The following SCFD1 variants were observed in gnomAD, a reference collection of about 807,000 sequenced individuals.
The protein encoded by SCFD1 is sec1 family domain-containing protein 1.
A neutral mutation model predicts 103.2 loss-of-function variants in SCFD1; 37 were observed. That is an observed-to-expected ratio of 0.36 (90% confidence interval 0.28 to 0.47). The LOEUF (loss-of-function observed/expected upper bound fraction) is 0.47, where lower values mean the gene tolerates loss of function less well. Ranked by LOEUF, SCFD1 falls within the 20% of genes least tolerant of loss-of-function variation. SCFD1 has a pLI of 1.00. For missense variants in SCFD1, 639 were observed against 761.2 expected, an observed-to-expected ratio of 0.84 and a Z score of 1.89; for synonymous variants, 264 against 245.0, an observed-to-expected ratio of 1.08 and a Z score of -0.73.
At chr14:30,651,551 C>T (rs1886390414) in intron 9 of SCFD1, among the ~76,000 whole-genome samples, 1 of 147,418 alleles carries the variant, frequency 6.8e-6, no homozygotes, top group African/African-American at 2.6e-5. Context: ...AGAAAAACAT[C>T]AAATTCTCAC....
intron 19 of SCFD1, among the ~76,000 whole-genome samples, chr14:30,713,977 C>G (rs577567861): frequency 6.6e-6 from 1 of 152,196 alleles, no homozygotes; most frequent in African/African-American, 2.4e-5. Flanking sequence ...AATCTGCACC[C>G]AGTTACTCTT....
chr14:30,628,148 T>G, intron 1 of SCFD1, 61 bp from the exon 2 acceptor site: 1 of 1,258,846 alleles, frequency 7.9e-7, no homozygotes, highest in Non-Finnish European at 1.1e-6. Flanking sequence ...TGAATGATGA[T>G]GGAGGAAAAA....
At chr14:30,703,941 AT>A (rs1566645865) in intron 17 of SCFD1, among the ~76,000 whole-genome samples, 14 of 59,894 alleles carry the variant, frequency 2.3e-4, no homozygotes, top group South Asian at 2.1e-3. Flanking sequence ...ATATATATAT[AT>A]ATATATATAT....
chr14:30,654,490 G>A (rs189959783), intron 10 of SCFD1, among the ~76,000 whole-genome samples: 352 of 152,190 alleles, frequency 2.3e-3, no homozygotes, highest in South Asian at 0.014. Context: ...CCTGGCCAAC[G>A]TGGCGAAATC....
chr14:30,622,567 G>A, intron 1 of SCFD1, 168 bp downstream of exon 1: 1 of 1,223,034 alleles, frequency 8.2e-7, no homozygotes, highest in South Asian at 1.8e-5. Context: ...ATTAGCTTGA[G>A]GACTCGGTTC....
intron 4 of SCFD1, 29 bp from the exon 5 acceptor site, chr14:30,638,096 T>C (rs1276312751): frequency 6.4e-7 from 1 of 1,555,638 alleles, no homozygotes; most frequent in East Asian, 2.3e-5. Context: ...CTTTATCCTA[T>C]AAGAATAAAG....
chr14:30,719,478 A>G (rs1472548406), intron 21 of SCFD1, 101 bp downstream of exon 21: 2 of 772,212 alleles, frequency 2.6e-6, no homozygotes, highest in Non-Finnish European at 4.3e-6. Context: ...TCCAAACTAT[A>G]TGGAAAACTC....
At chr14:30,622,285 C>T (rs1004914233), upstream of SCFD1, 17 of 1,590,136 alleles carry the variant, frequency 1.1e-5, no homozygotes, top group Non-Finnish European at 1.5e-5. Flanking sequence ...TAAGGGCAGC[C>T]ACGTCATCCC....
At chr14:30,660,631 T>A (rs940141547) in intron 10 of SCFD1, among the ~76,000 whole-genome samples, 2 of 152,144 alleles carry the variant, frequency 1.3e-5, no homozygotes, top group Non-Finnish European at 2.9e-5. Context: ...TTTTTTTTTT[T>A]ATCACCTACT....
At chr14:30,672,907 T>C (rs973851370) in intron 11 of SCFD1, among the ~76,000 whole-genome samples, 8 of 152,222 alleles carry the variant, frequency 5.3e-5, no homozygotes, top group Non-Finnish European at 1.2e-4. Context: ...TGATATTTGA[T>C]ATAACATGAC....
At chr14:30,678,545 T>C (rs773986190) in intron 14 of SCFD1, among the ~76,000 whole-genome samples, 1 of 152,200 alleles carries the variant, frequency 6.6e-6, no homozygotes, top group Non-Finnish European at 1.5e-5. Context: ...ACTTGCTGGT[T>C]GTTAGAGAAT....
chr14:30,731,519 T>G (rs899197955), intron 23 of SCFD1, among the ~76,000 whole-genome samples: 3 of 152,216 alleles, frequency 2.0e-5, no homozygotes, highest in African/African-American at 4.8e-5. Flanking sequence ...GTGTCCTCTT[T>G]TACTTCGTTG....
chr14:30,654,334 A>G (rs892195261), intron 10 of SCFD1, among the ~76,000 whole-genome samples: 3 of 152,252 alleles, frequency 2.0e-5, no homozygotes, highest in Admixed American at 1.3e-4. Context: ...GGATTACACT[A>G]TATAATCATA....
At chr14:30,656,336 G>A (rs954536136) in intron 10 of SCFD1, among the ~76,000 whole-genome samples, 1 of 152,186 alleles carries the variant, frequency 6.6e-6, no homozygotes, top group African/African-American at 2.4e-5. Context: ...CGAAGTTAAT[G>A]ATGCAGGAGA....
chr14:30,700,115 A>G, intron 15 of SCFD1, 73 bp from the exon 16 acceptor site: 1 of 1,040,976 alleles, frequency 9.6e-7, no homozygotes, highest in Non-Finnish European at 1.5e-6. Context: ...GAAATGTAAC[A>G]TACTTGTGTT....
intron 14 of SCFD1, among the ~76,000 whole-genome samples, chr14:30,682,483 G>A (rs961842681): frequency 1.3e-5 from 2 of 152,124 alleles, no homozygotes; most frequent in Non-Finnish European, 2.9e-5. Context: ...AAACCCACCG[G>A]TATGAATTGC....
intron 22 of SCFD1, 100 bp from the exon 23 acceptor site, chr14:30,722,394 T>G: frequency 1.3e-6 from 1 of 775,530 alleles, no homozygotes; most frequent in Non-Finnish European, 2.1e-6. Flanking sequence ...CATCAGGGGC[T>G]TAGAATATGA....
At chr14:30,628,697 A>G (rs576518056) in intron 2 of SCFD1, among the ~76,000 whole-genome samples, 8 of 152,332 alleles carry the variant, frequency 5.3e-5, no homozygotes, top group Non-Finnish European at 1.0e-4. Flanking sequence ...GAGATATAAA[A>G]CTTAATTGAA....
chr14:30,650,511 C>G (rs924399180), intron 8 of SCFD1, 54 bp from the exon 9 acceptor site: 2 of 1,015,730 alleles, frequency 2.0e-6, no homozygotes, highest in Admixed American at 4.2e-5. Flanking sequence ...TTGAATTAAC[C>G]TCCATAAAGT....
Sources: gnomAD v4.1 joint callset for allele counts (sites outside exome capture counted in the v4.1 genomes callset) on GRCh38, gnomAD v4.1.1 for gene constraint, MANE v1.5 for transcripts, NCBI Gene and HGNC (gene_info 2026-07-23, HGNC 2026-07-21) for gene names.